Variants in USH2A observed in about 807,000 individuals in gnomAD.
USH2A encodes usherin.
USH2A carries 443 observed loss-of-function variants against 538.9 expected under a neutral mutation model. That is an observed-to-expected ratio of 0.82 (90% CI 0.76 to 0.89). USH2A has a LOEUF of 0.89. Among genes scored for constraint, USH2A ranks in the 40% least tolerant of loss-of-function variants. The probability of loss-of-function intolerance (pLI) is 0.00; values close to 1 mark genes in which losing one functional copy is unlikely to be tolerated. For missense variants in USH2A, 6,633 were observed against 6,324.8 expected (o/e 1.05, Z -1.65); for synonymous variants, 2,413 against 2,273.5 (o/e 1.06, Z -1.75).
chr1:216,413,928 A>G (rs544922734), intron 3 of USH2A, among the ~76,000 whole-genome samples: 1 of 152,148 alleles, frequency 6.6e-6, no homozygotes, highest in African/African-American at 2.4e-5. Flanking sequence ...GGCAAAATAT[A>G]TTGTCAAAGA....
intron 21 of USH2A, among the ~76,000 whole-genome samples, chr1:216,119,788 A>G (rs2033089219): frequency 6.6e-6 from 1 of 152,148 alleles, no homozygotes; most frequent in East Asian, 1.9e-4. Context: ...AACCATTAAC[A>G]GTGCCATCTG....
At chr1:216,174,533 T>G in intron 21 of USH2A, 1 of 984,570 alleles carries the variant, frequency 1.0e-6, no homozygotes, top group Non-Finnish European at 1.2e-6. Flanking sequence ...TTGATAATAT[T>G]TTTATAGTGC....
chr1:216,123,615 G>C (rs539404744), intron 21 of USH2A, among the ~76,000 whole-genome samples: 1 of 152,172 alleles, frequency 6.6e-6, no homozygotes, highest in African/African-American at 2.4e-5. Flanking sequence ...TTGAAAACAG[G>C]AACAGTTACT....
intron 47 of USH2A, among the ~76,000 whole-genome samples, chr1:215,829,956 A>G (rs12096218): frequency 0.014 from 2,184 of 152,306 alleles, 59 homozygotes; most frequent in African/African-American, 0.05. Context: ...GAATAAGCCC[A>G]TTACAGCTTA....
At chr1:216,118,576 A>C (rs2033061345) in intron 21 of USH2A, among the ~76,000 whole-genome samples, 1 of 152,222 alleles carries the variant, frequency 6.6e-6, no homozygotes, top group Non-Finnish European at 1.5e-5. Flanking sequence ...TCCAACAGAC[A>C]ATGCTCATCA....
At chr1:215,812,899 A>T (rs903507593) in intron 49 of USH2A, among the ~76,000 whole-genome samples, 3 of 152,180 alleles carry the variant, frequency 2.0e-5, no homozygotes, top group African/African-American at 7.2e-5. Flanking sequence ...TTTAGGAGAG[A>T]CATACTTATA....
chr1:216,064,084 AC>A (rs2031271073), intron 30 of USH2A, among the ~76,000 whole-genome samples: 2 of 152,186 alleles, frequency 1.3e-5, no homozygotes, highest in African/African-American at 4.8e-5. Flanking sequence ...TGAAGTTCAA[AC>A]CCCAGCAATC....
At chr1:216,219,204 T>C (rs996895053) in intron 14 of USH2A, among the ~76,000 whole-genome samples, 3 of 152,128 alleles carry the variant, frequency 2.0e-5, no homozygotes, top group African/African-American at 7.2e-5. Flanking sequence ...CGCAATGTTT[T>C]GAGCAATTAA....
chr1:215,975,478 A>G (rs1305150680), intron 35 of USH2A, among the ~76,000 whole-genome samples: 2 of 152,144 alleles, frequency 1.3e-5, no homozygotes, highest in Non-Finnish European at 2.9e-5. Flanking sequence ...TCTTTAATCC[A>G]TCTTGAGCTA....
At chr1:216,136,828 C>T (rs2102607099) in intron 21 of USH2A, among the ~76,000 whole-genome samples, 1 of 152,216 alleles carries the variant, frequency 6.6e-6, no homozygotes, top group African/African-American at 2.4e-5. Flanking sequence ...TCAAAGATTG[C>T]CAGCAAACCA....
intron 64 of USH2A, among the ~76,000 whole-genome samples, chr1:215,653,983 C>T (rs1031415324): frequency 4.6e-5 from 7 of 152,032 alleles, no homozygotes; most frequent in African/African-American, 1.7e-4. Flanking sequence ...TGTGAACAAA[C>T]AGTTGTGTAT....
At chr1:215,833,198 C>T (rs141544962) in intron 47 of USH2A, among the ~76,000 whole-genome samples, 2 of 151,806 alleles carry the variant, frequency 1.3e-5, no homozygotes. Context: ...TATCAATGAC[C>T]TGTTTCTGAA....
Position 215,623,728 on chromosome 1 carries a change from A to G in USH2A, c.*2053T>C, listed in dbSNP as rs1214393059. 1 of 152,172 alleles carries G rather than the reference A, an allele frequency of 6.6e-6. No homozygotes were observed. Among genetic ancestry groups the G allele is most frequent in the Non-Finnish European group, 1.5e-5 (1 of 68,026 alleles). The allele number at this position is 152,172 out of a possible 1,614,324, so 9.4% of individuals were successfully genotyped here. On this transcript the variant is annotated 3_prime_UTR_variant, in exon 72 of 72. Transcript: ENST00000307340. ...GATTAAATGGATAATGATCCAAGAT[A>G]AAATCCCCTGCAGTTCTGTATTTTT...
chr1:215,673,951 G>T, intron 63 of USH2A, 149 bp downstream of exon 63: 1 of 1,372,864 alleles, frequency 7.3e-7, no homozygotes. Context: ...GTGAGGATGT[G>T]CTTTGTCTAC....
chr1:215,709,269 C>A (rs935142992), intron 61 of USH2A, among the ~76,000 whole-genome samples: 1 of 152,044 alleles, frequency 6.6e-6, no homozygotes, highest in African/African-American at 2.4e-5. Context: ...TTATCTATTT[C>A]CACTCCTTTA....
At chr1:216,412,557 G>C (rs1233338825) in intron 3 of USH2A, among the ~76,000 whole-genome samples, 1 of 151,750 alleles carries the variant, frequency 6.6e-6, no homozygotes, top group Non-Finnish European at 1.5e-5. Flanking sequence ...TATCAATGAG[G>C]GGTATAGTTA....
Position 216,083,499 on chromosome 1 carries a change from A to T in USH2A, c.5255T>A (p.Leu1752Ter). The change falls in exon 26 of 72, where the codon TTG (leucine) becomes TAG (stop). Residue 1752 changes from leucine (L) to a stop codon, truncating the protein, a stop_gained. Transcript: ENST00000307340. LOFTEE classifies it high-confidence loss of function. ...ATCTTTGTTATAAACGAAAAGAAGC[A>T]ATCCATTTAATTGGTCAGTTCTGAA... is the stretch of plus-strand genomic sequence containing the variant. ...FKFRTDQLNG[L>*]LLFVYNKDGP... The T allele has an allele frequency of 1.2e-6, 2 of 1,612,616 alleles. No homozygotes were observed. The highest frequency in any genetic ancestry group is 1.7e-6 in the Non-Finnish European group (2 of 1,179,208).
At chr1:216,181,781 G>A (rs557471728) in intron 20 of USH2A, among the ~76,000 whole-genome samples, 4 of 152,160 alleles carry the variant, frequency 2.6e-5, no homozygotes, top group South Asian at 4.1e-4. Context: ...TAAATGCATC[G>A]TAACACTTGC....
intron 21 of USH2A, among the ~76,000 whole-genome samples, chr1:216,100,899 G>T (rs2032561498): frequency 6.6e-6 from 1 of 152,126 alleles, no homozygotes; most frequent in South Asian, 2.1e-4. Context: ...ATGCTTATAT[G>T]AGAAAATGCA....
Sources: allele counts gnomAD v4.1 joint callset (sites outside exome capture counted in the v4.1 genomes callset), GRCh38; gene constraint gnomAD v4.1.1; transcripts MANE v1.5; gene names NCBI Gene and HGNC (gene_info 2026-07-23, HGNC 2026-07-21).